MACROD2: variants seen among roughly 807,000 people sequenced by gnomAD.
MACROD2 encodes mono-ADP ribosylhydrolase 2.
Under a neutral mutation model 70.4 loss-of-function variants are expected in MACROD2, and 36 were observed. The observed-to-expected ratio is 0.51, with a 90% CI of 0.39 to 0.68. The LOEUF is 0.68. MACROD2 is among the 30% of genes least tolerant of loss of function. MACROD2 has a pLI of 0.00. For synonymous variants in MACROD2, 172 were observed against 178.8 expected, an observed-to-expected ratio of 0.96 and a Z score of 0.30; for missense variants, 496 against 538.4, an observed-to-expected ratio of 0.92 and a Z score of 0.78.
intron 5 of MACROD2, among the ~76,000 whole-genome samples, chr20:14,940,941 A>AT (rs2074384606): frequency 6.6e-6 from 1 of 151,400 alleles, no homozygotes; most frequent in Non-Finnish European, 1.5e-5. Context: ...CTCTTCTTTA[A>AT]TTTTTTTGAA....
chr20:14,249,199 A>T (rs1197885556), intron 3 of MACROD2, among the ~76,000 whole-genome samples: 3 of 149,168 alleles, frequency 2.0e-5, no homozygotes, highest in African/African-American at 7.5e-5. Flanking sequence ...GTCATCTAAA[A>T]TACTATAATT....
chr20:14,702,460 T>C (rs2071207333), intron 5 of MACROD2, among the ~76,000 whole-genome samples: 1 of 150,978 alleles, frequency 6.6e-6, no homozygotes. Context: ...ATATACATGG[T>C]ATTGTGTTTT....
intron 3 of MACROD2, among the ~76,000 whole-genome samples, chr20:14,469,334 G>C (rs1202726871): frequency 6.6e-6 from 1 of 152,124 alleles, no homozygotes; most frequent in African/African-American, 2.4e-5. Context: ...TGGGTAACCT[G>C]ACCTTTCTCT....
chr20:14,823,768 G>T (rs743133), intron 5 of MACROD2, among the ~76,000 whole-genome samples: 1 of 151,918 alleles, frequency 6.6e-6, no homozygotes, highest in South Asian at 2.1e-4. Flanking sequence ...AATATATTTG[G>T]TGGCTTTTTT....
chr20:14,216,858 C>G (rs202100641), intron 3 of MACROD2, among the ~76,000 whole-genome samples: 1 of 151,956 alleles, frequency 6.6e-6, no homozygotes, highest in Non-Finnish European at 1.5e-5. Flanking sequence ...ACATTAATCT[C>G]GTATCTGGAA....
Position 14,349,139 on chromosome 20 carries a change from A to G in MACROD2, c.272-144340A>G, listed in dbSNP as rs145727147. Among the ~76,000 whole-genome samples, 1,312 of 151,966 alleles carry G rather than the reference A, an allele frequency of 8.6e-3. 17 individuals are homozygous for G. The highest frequency in any genetic ancestry group is 0.01 in the Middle Eastern group (3 of 292). On this transcript the variant is annotated intron_variant, in intron 3 of 17. Coordinates refer to ENST00000684519, the MANE Select transcript of MACROD2 (RefSeq NM_001351661.2). ...TGAATTCCCACTATCCAGTATTAACATTGGGTGGTTTAAAGCCTTTCAAAT... is the reference window on the plus strand; with the variant it reads ...TGAATTCCCACTATCCAGTATTAACGTTGGGTGGTTTAAAGCCTTTCAAAT...
intron 6 of MACROD2, among the ~76,000 whole-genome samples, chr20:15,299,179 G>A (rs1359952543): frequency 3.9e-5 from 6 of 152,152 alleles, no homozygotes; most frequent in Non-Finnish European, 7.4e-5. Flanking sequence ...GTGGGTGTGT[G>A]TGTGTAAACT....
chr20:14,495,200 G>A (rs1056834605), intron 4 of MACROD2, among the ~76,000 whole-genome samples: 1 of 152,098 alleles, frequency 6.6e-6, no homozygotes, highest in Non-Finnish European at 1.5e-5. Flanking sequence ...CTCATGTAAA[G>A]GTAGTCTAGA....
chr20:15,391,196 C>A (rs2045787755), intron 6 of MACROD2, among the ~76,000 whole-genome samples: 1 of 152,178 alleles, frequency 6.6e-6, no homozygotes, highest in Admixed American at 6.5e-5. Flanking sequence ...TTTGGATGAT[C>A]CTTCTAACCT....
At chr20:14,823,034 A>G (rs1600699490) in intron 5 of MACROD2, among the ~76,000 whole-genome samples, 2 of 152,156 alleles carry the variant, frequency 1.3e-5, no homozygotes, top group Non-Finnish European at 2.9e-5. Flanking sequence ...TTGAAGAAAT[A>G]CAACAGTGAT....
chr20:14,127,425 C>G (rs1354002538), intron 3 of MACROD2: 4 of 455,222 alleles, frequency 8.8e-6, no homozygotes, highest in Non-Finnish European at 1.6e-5. Context: ...TGTCTCTTGG[C>G]AAAAATGGCA....
chr20:15,168,540 A>T (rs1475404091), intron 5 of MACROD2, among the ~76,000 whole-genome samples: 1 of 151,758 alleles, frequency 6.6e-6, no homozygotes, highest in Non-Finnish European at 1.5e-5. Context: ...TGGAATTGAA[A>T]GCAGGGACTC....
chr20:15,517,133 AAGAG>A (rs1568862259), intron 8 of MACROD2, among the ~76,000 whole-genome samples: 1 of 152,138 alleles, frequency 6.6e-6, no homozygotes, highest in East Asian at 1.9e-4. Flanking sequence ...TCAACTACTG[AAGAG>A]GTCCATGTTA....
At chr20:15,162,989 T>C (rs533325351) in intron 5 of MACROD2, among the ~76,000 whole-genome samples, 69 of 152,054 alleles carry the variant, frequency 4.5e-4, no homozygotes, top group Non-Finnish European at 8.7e-4. Flanking sequence ...ATAAACAGAA[T>C]ACCATGGCAG....
chr20:15,650,976 T>C (rs941941619), intron 8 of MACROD2, among the ~76,000 whole-genome samples: 6 of 152,198 alleles, frequency 3.9e-5, no homozygotes, highest in Non-Finnish European at 8.8e-5. Flanking sequence ...TAATCTCTTC[T>C]CTTAGAGGGT....
chr20:15,623,467 A>G (rs988959153), intron 8 of MACROD2, among the ~76,000 whole-genome samples: 3 of 152,140 alleles, frequency 2.0e-5, no homozygotes, highest in African/African-American at 7.2e-5. Context: ...GATGACTGAG[A>G]GGAGGTTTGT....
At position 14,230,654 on chromosome 20, in the gene MACROD2, T is replaced by TAAAAAA. The variant is rs1555940650; in HGVS notation, c.271+144928_271+144929insAAAAAA. On this transcript the variant is annotated intron_variant, in intron 3 of 17. Transcript: ENST00000684519. Reference sequence around the variant, plus strand: ...GTTTATATATATATATATATATATATAACACAGGCTGGGCCTATATATATA... The same window carrying TAAAAAA: ...GTTTATATATATATATATATATATATAAAAAAAACACAGGCTGGGCCTATATATATA... Among the ~76,000 whole-genome samples, 10 of 74,244 alleles carry TAAAAAA rather than the reference T, an allele frequency of 1.3e-4. 1 individual carries two copies. Among genetic ancestry groups the TAAAAAA allele is most frequent in the African/African-American group, 4.0e-4 (6 of 14,826 alleles). The allele number at this position is 74,244 out of a possible 152,430, so 48.7% of individuals were successfully genotyped here.
chr20:14,802,769 TACACACATACAC>T (rs1387420634), intron 5 of MACROD2, among the ~76,000 whole-genome samples: 1 of 56,764 alleles, frequency 1.8e-5, no homozygotes, highest in Non-Finnish European at 4.6e-5. Context: ...AGCACACACA[TACACACATACAC>T]ACACACACAC....
At chr20:15,995,416 C>G (rs1194417704) in intron 15 of MACROD2, among the ~76,000 whole-genome samples, 2 of 151,148 alleles carry the variant, frequency 1.3e-5, no homozygotes, top group Non-Finnish European at 2.9e-5. Flanking sequence ...GTGGCGCGAT[C>G]TGGGCTCACT....
Sources: allele counts gnomAD v4.1 joint callset (sites outside exome capture counted in the v4.1 genomes callset), GRCh38; gene constraint gnomAD v4.1.1; transcripts MANE v1.5; gene names NCBI Gene and HGNC (gene_info 2026-07-23, HGNC 2026-07-21).